GSK3B: variants seen among roughly 807,000 people sequenced by gnomAD.
GSK3B encodes glycogen synthase kinase-3 beta.
A neutral mutation model predicts 56.4 loss-of-function variants in GSK3B; 15 were observed. That is an observed-to-expected ratio of 0.27 (90% CI 0.18 to 0.41). The LOEUF (loss-of-function observed/expected upper bound fraction) is 0.41, where lower values mean the gene tolerates loss of function less well. Among genes scored for constraint, GSK3B ranks in the 10% least tolerant of loss-of-function variants. The pLI, the probability that GSK3B is intolerant of heterozygous loss-of-function variation, is 1.00. For missense variants in GSK3B, 300 were observed against 513.4 expected, an observed-to-expected ratio of 0.58 and a Z score of 4.02; for synonymous variants, 181 against 188.9, an observed-to-expected ratio of 0.96 and a Z score of 0.34.
intron 2 of GSK3B, among the ~76,000 whole-genome samples, chr3:119,954,367 T>C (rs1489498165): frequency 2.0e-5 from 3 of 152,104 alleles, no homozygotes; most frequent in Non-Finnish European, 2.9e-5. Context: ...AAGAATAGAA[T>C]AGAATGGAAT....
chr3:119,827,496 G>C (rs970618344), intron 10 of GSK3B, among the ~76,000 whole-genome samples: 1 of 150,928 alleles, frequency 6.6e-6, no homozygotes, highest in Non-Finnish European at 1.5e-5. Flanking sequence ...AGAAAGATGG[G>C]AGGCTAAGTG....
At chr3:120,093,028 T>A (rs960711218) in intron 1 of GSK3B, among the ~76,000 whole-genome samples, 1 of 152,222 alleles carries the variant, frequency 6.6e-6, no homozygotes, top group Non-Finnish European at 1.5e-5. Flanking sequence ...AAGTAAACAC[T>A]GTCATCACTA....
intron 7 of GSK3B, among the ~76,000 whole-genome samples, chr3:119,882,186 T>C (rs2056386950): frequency 1.3e-5 from 2 of 151,980 alleles, no homozygotes; most frequent in South Asian, 4.1e-4. Context: ...CCTAAGAATA[T>C]TCCTAATAGA....
At chr3:119,926,774 C>T (rs746056337) in intron 3 of GSK3B, among the ~76,000 whole-genome samples, 7 of 152,174 alleles carry the variant, frequency 4.6e-5, no homozygotes, top group Non-Finnish European at 8.8e-5. Context: ...GCTTCTAATT[C>T]TTTAACCTAG....
chr3:120,049,109 A>T (rs1223266150), intron 1 of GSK3B, among the ~76,000 whole-genome samples: 1 of 152,248 alleles, frequency 6.6e-6, no homozygotes, highest in Admixed American at 6.5e-5. Context: ...CACTTTATCT[A>T]CATGACAATT....
At chr3:119,925,965 T>C (rs543168085) in intron 3 of GSK3B, among the ~76,000 whole-genome samples, 5 of 152,336 alleles carry the variant, frequency 3.3e-5, no homozygotes, top group South Asian at 2.1e-4. Flanking sequence ...GTTCCTTTCA[T>C]TGAAGCACCT....
chr3:119,882,785 T>C (rs1186606339), intron 7 of GSK3B, among the ~76,000 whole-genome samples: 1 of 152,202 alleles, frequency 6.6e-6, no homozygotes, highest in African/African-American at 2.4e-5. Context: ...TAATACACTT[T>C]TACCATCAGT....
chr3:120,036,792 C>CAAAAAAAAAAAAAAA (rs560163237), intron 1 of GSK3B, among the ~76,000 whole-genome samples: 1 of 64,334 alleles, frequency 1.6e-5, no homozygotes, highest in Non-Finnish European at 3.1e-5. Flanking sequence ...GACTCCGACT[C>CAAAAAAAAAAAAAAA]AAAAAAAAAA....
At chr3:120,003,927 C>T (rs1300061638) in intron 1 of GSK3B, among the ~76,000 whole-genome samples, 2 of 152,156 alleles carry the variant, frequency 1.3e-5, no homozygotes, top group African/African-American at 4.8e-5. Flanking sequence ...GAGGGCGAGC[C>T]GAAGCAGGGT....
chr3:119,978,185 T>G (rs58605236), intron 2 of GSK3B, among the ~76,000 whole-genome samples: 2 of 151,742 alleles, frequency 1.3e-5, no homozygotes, highest in African/African-American at 2.4e-5. Context: ...ATCACCAACC[T>G]GAAACATTCC....
rs1305180154 is a variant in GSK3B at position 119,923,318 on chromosome 3, C to T, written c.477+55G>A. The stretch of plus-strand genomic sequence containing the variant: ...ATAGTTAAAACATAAAAGAGGCTCT[C>T]CTTGGTTCATAAAAAATGTTTTCTA... On this transcript the variant is annotated intron_variant, in intron 4 of 10. Coordinates refer to ENST00000264235, the MANE Select transcript of GSK3B (RefSeq NM_001146156.2). 4 of 864,658 alleles carry T rather than the reference C, an allele frequency of 4.6e-6. No homozygotes were observed. The East Asian group carries it at 1.0e-4, about 22-fold the overall frequency. 53.6% of individuals were successfully genotyped at this position (864,658 alleles called of 1,614,324 possible).
chr3:120,051,094 G>A (rs1200626150), intron 1 of GSK3B, among the ~76,000 whole-genome samples: 2 of 151,156 alleles, frequency 1.3e-5, no homozygotes, highest in Non-Finnish European at 2.9e-5. Flanking sequence ...GTCTAGTAGG[G>A]TCTAGGACAC....
chr3:119,880,992 T>C (rs1181875956), intron 7 of GSK3B, among the ~76,000 whole-genome samples: 2 of 152,190 alleles, frequency 1.3e-5, no homozygotes, highest in Non-Finnish European at 2.9e-5. Flanking sequence ...TCAAGCTATA[T>C]ACCCTAACAG....
intron 3 of GSK3B, among the ~76,000 whole-genome samples, chr3:119,926,524 C>T (rs893016821): frequency 2.0e-5 from 3 of 152,252 alleles, no homozygotes; most frequent in African/African-American, 2.4e-5. Context: ...AAATGGTCTG[C>T]TTCTACCCTT....
intron 1 of GSK3B, among the ~76,000 whole-genome samples, chr3:120,031,603 C>A (rs955410294): frequency 2.6e-5 from 4 of 152,144 alleles, no homozygotes; most frequent in African/African-American, 9.7e-5. Flanking sequence ...GGAGAAAACA[C>A]TTAACAACAA....
chr3:120,092,989 T>C (rs1347356688), intron 1 of GSK3B, among the ~76,000 whole-genome samples: 1 of 152,026 alleles, frequency 6.6e-6, no homozygotes, highest in Non-Finnish European at 1.5e-5. Flanking sequence ...AATCAAATCT[T>C]GTCCTTCTCT....
chr3:120,076,813 C>CAAA (rs202058386), intron 1 of GSK3B, among the ~76,000 whole-genome samples: 3,434 of 45,578 alleles, frequency 0.075, 345 homozygotes, highest in Non-Finnish European at 0.12. Flanking sequence ...AACTCCGTCT[C>CAAA]AAAAAAAAAA....
At chr3:120,041,726 A>G (rs1332546803) in intron 1 of GSK3B, among the ~76,000 whole-genome samples, 1 of 152,260 alleles carries the variant, frequency 6.6e-6, no homozygotes, top group Non-Finnish European at 1.5e-5. Context: ...GGCCAAAGTT[A>G]GGAGAAACTC....
chr3:119,924,450 C>T (rs577822074), intron 3 of GSK3B, among the ~76,000 whole-genome samples: 2 of 152,278 alleles, frequency 1.3e-5, no homozygotes, highest in South Asian at 4.1e-4. Flanking sequence ...ATTTACTGAG[C>T]ATTTTCCATA....
Sources: allele counts gnomAD v4.1 joint callset (sites outside exome capture counted in the v4.1 genomes callset), GRCh38; gene constraint gnomAD v4.1.1; transcripts MANE v1.5; gene names NCBI Gene and HGNC (gene_info 2026-07-23, HGNC 2026-07-21).